Variants in PUM3 observed in about 807,000 individuals in gnomAD.
PUM3 encodes the protein pumilio RNA binding family member 3, also known as pumilio homolog 3.
A neutral mutation model predicts 84.0 loss-of-function variants in PUM3; 91 were observed. The observed-to-expected ratio is 1.08, with a 90% CI of 0.91 to 1.29. The LOEUF is 1.29. Ranked by LOEUF, PUM3 falls within the 50% of genes most tolerant of loss-of-function variation. The probability of loss-of-function intolerance (pLI) is 0.00; values close to 1 mark genes in which losing one functional copy is unlikely to be tolerated. For missense variants in PUM3, 1,067 were observed against 767.5 expected, an observed-to-expected ratio of 1.39 and a Z score of -4.61; for synonymous variants, 321 against 266.7, an observed-to-expected ratio of 1.20 and a Z score of -1.98.
intron 1 of PUM3, among the ~76,000 whole-genome samples, chr9:2,843,474 A>G (rs892883823): frequency 4.0e-5 from 6 of 151,780 alleles, no homozygotes; most frequent in African/African-American, 1.5e-4. Flanking sequence ...AGACAGGCTG[A>G]TCAGGCCGAG....
At chr9:2,834,669 GA>G (rs948835737) in intron 3 of PUM3, among the ~76,000 whole-genome samples, 2 of 152,166 alleles carry the variant, frequency 1.3e-5, no homozygotes, top group Admixed American at 1.3e-4. Context: ...CCATGGTGGG[GA>G]AAAAGAACAA....
intron 13 of PUM3, among the ~76,000 whole-genome samples, chr9:2,818,869 A>T (rs1220391136): frequency 6.6e-6 from 1 of 152,190 alleles, no homozygotes; most frequent in Non-Finnish European, 1.5e-5. Flanking sequence ...ACTAGCTGGT[A>T]TACTTTTTCT....
Position 2,833,430 on chromosome 9 carries a change from T to A in PUM3, c.443A>T (p.Lys148Ile). Residue 148 changes from lysine (K) to isoleucine (I), a missense_variant and splice_region_variant, in exon 5 of 18, where the codon AAA becomes ATA. Lys to Ile is a moderately radical substitution (Grantham distance 102). Coordinates refer to ENST00000397885, the MANE Select transcript of PUM3 (RefSeq NM_014878.5). ...AKQMWEILRR[K>I]DCDKEKRVKL... ...TACTCTTTTTTCTTTGTCACAGTCT[T>A]TTCTACAAATGAGGAGAGGAAGGAA... The A allele has an allele frequency of 6.5e-7, 1 of 1,547,810 alleles. No homozygotes were observed. Among genetic ancestry groups the A allele is most frequent in the South Asian group, 1.1e-5 (1 of 87,874 alleles).
At chr9:2,810,262 T>C (rs1318496704) in intron 16 of PUM3, 82 bp downstream of exon 16, 1 of 875,380 alleles carries the variant, frequency 1.1e-6, no homozygotes, top group Non-Finnish European at 1.9e-6. Context: ...TGAGCTTAAA[T>C]GGCTGGTATA....
At chr9:2,838,663 T>A (rs1462437140) in intron 1 of PUM3, 146 bp from the exon 2 acceptor site, 1 of 575,656 alleles carries the variant, frequency 1.7e-6, no homozygotes, top group Non-Finnish European at 3.1e-6. Flanking sequence ...AGTACTTAAA[T>A]CCAGCAATTT....
chr9:2,804,279 A>T lies in PUM3; in HGVS notation c.*52T>A, dbSNP rs1821216075. 1.1e-5 allele frequency: 18 copies of T among 1,579,876 alleles called. No homozygotes were observed. The highest frequency in any genetic ancestry group is 1.5e-5 in the Non-Finnish European group (17 of 1,161,912). On this transcript the variant is annotated 3_prime_UTR_variant, in exon 18 of 18. Transcript: ENST00000397885. The stretch of plus-strand genomic sequence containing the variant: ...TACCCCTTCTTTTCTGCATTGGGAA[A>T]CAGAACAGAGAACAGAAAAAATCAT...
rs749127582 is a variant in PUM3, at chr9:2,812,306, T to C, written c.1326A>G (p.Leu442=). ...IVNDKYGRKV[L]LYLLSPRDPA... ...GATCTCTGGGGCTTAGTAAGTACAA[T>C]AGGACCTTCCTTCCATATTTGTCAT... The change falls in exon 14 of 18, where the codon CTA becomes CTG. Residue 442 remains leucine (L), a synonymous_variant. Coordinates refer to ENST00000397885, the MANE Select transcript of PUM3 (RefSeq NM_014878.5). The C allele has an allele frequency of 1.4e-5, 23 of 1,602,140 alleles. No homozygotes were observed. The highest frequency in any genetic ancestry group is 3.3e-4 in the Middle Eastern group (2 of 6,064).
At chr9:2,829,683 A>G (rs1815918744) in intron 8 of PUM3, 91 bp downstream of exon 8, 1 of 1,087,262 alleles carries the variant, frequency 9.2e-7, no homozygotes, top group African/African-American at 1.6e-5. Context: ...CCACAGTAAA[A>G]ATACATTCAA....
chr9:2,827,223 C>CA (rs1245975963), intron 9 of PUM3, 72 bp from the exon 10 acceptor site: 1 of 1,058,580 alleles, frequency 9.4e-7, no homozygotes. Flanking sequence ...CAGGTAATCT[C>CA]AAAGTCCTAA....
intron 17 of PUM3, 92 bp downstream of exon 17, chr9:2,807,722 G>C (rs1821287924): frequency 1.3e-6 from 1 of 784,764 alleles, no homozygotes; most frequent in Middle Eastern, 3.6e-4. Flanking sequence ...AGACTACTGA[G>C]AACAAATATT....
intron 14 of PUM3, 25 bp from the exon 15 acceptor site, chr9:2,811,608 T>C: frequency 6.4e-7 from 1 of 1,570,982 alleles, no homozygotes. Context: ...GAACGGGGTA[T>C]TAAGGTAAGA....
Position 2,824,517 on chromosome 9 carries a change from A to C in PUM3, c.1134+200T>G, listed in dbSNP as rs1314679744. Among the ~76,000 whole-genome samples the C allele has an allele frequency of 2.0e-5, 3 of 152,238 alleles. No individual in the cohort carries two copies. The East Asian group carries it at 5.8e-4, about 29-fold the overall frequency. ...TAATGAAACTTCAAGGTTTCTACTAAAGCAGAGGAAAGAAGAAACACTAGG... is the reference window on the plus strand; with the variant it reads ...TAATGAAACTTCAAGGTTTCTACTACAGCAGAGGAAAGAAGAAACACTAGG... On this transcript the variant is annotated intron_variant, in intron 11 of 17. Transcript: ENST00000397885.
chr9:2,840,675 T>C (rs1397539976), intron 1 of PUM3, among the ~76,000 whole-genome samples: 1 of 152,248 alleles, frequency 6.6e-6, no homozygotes, highest in African/African-American at 2.4e-5. Flanking sequence ...CAAATAATGC[T>C]AGCTCCAGCC....
intron 4 of PUM3, 75 bp from the exon 5 acceptor site, chr9:2,833,507 CCAGTAT>C: frequency 1.3e-6 from 1 of 764,898 alleles, no homozygotes; most frequent in Middle Eastern, 3.6e-4. Flanking sequence ...AAAAACTGTA[CCAGTAT>C]ATGTTCTCCA....
In PUM3 at chr9:2,834,081, G is replaced by A; in HGVS notation, c.390C>T (p.Thr130=). 6.2e-7 allele frequency: 1 copy of A among 1,613,264 alleles called. No individual in the cohort carries two copies. The highest frequency in any genetic ancestry group is 8.5e-7 in the Non-Finnish European group (1 of 1,179,516). ...LKQSRQLSDK[T]NYDIVVRAKQ... ...TTGCCCGAACAACAATGTCATAGTT[G>A]GTTTTATCACTGAGTTGTCTGCTTT... The change falls in exon 4 of 18, where the codon ACC becomes ACT. Residue 130 remains threonine (T), a synonymous_variant. Coordinates refer to ENST00000397885, the MANE Select transcript of PUM3 (RefSeq NM_014878.5).
At position 2,823,850 on chromosome 9, in the gene PUM3, T is replaced by C. The variant is rs375437208; in HGVS notation, c.1135-16A>G. 106 of 1,461,948 alleles carry C rather than the reference T, an allele frequency of 7.3e-5. 2 individuals are homozygous for C. The South Asian group carries it at 1.2e-3, about 16-fold the overall frequency. 90.6% of individuals were successfully genotyped at this position (1,461,948 alleles called of 1,614,324 possible). A position where few individuals can be genotyped will look rare whatever the true frequency, so the allele number is the denominator to read the frequency against. On this transcript the variant is annotated splice_polypyrimidine_tract_variant and intron_variant, in intron 11 of 17. Transcript: ENST00000397885. ...CTTTCCTGTCCTTAAAAAGGAAAGA[T>C]TGTCTCACTGAATTTTCAGTTATGT...
chr9:2,841,738 A>C (rs1041170499), intron 1 of PUM3, among the ~76,000 whole-genome samples: 17 of 150,590 alleles, frequency 1.1e-4, no homozygotes, highest in African/African-American at 4.2e-4. Context: ...AAAGGTTCTT[A>C]GATCAGCCCT....
In PUM3 at chr9:2,830,961, C is replaced by T. The variant is rs775662366; in HGVS notation, c.677+1G>A. ...TGTATTTTATACATAAAACAACTTA[C>T]CCATACATGAGAAATTTCTTAACAA... On this transcript the variant is annotated splice_donor_variant, in intron 7 of 17. Transcript: ENST00000397885. LOFTEE classifies it high-confidence loss of function. The T allele has an allele frequency of 6.5e-6, 9 of 1,380,734 alleles. No individual in the cohort carries two copies. In the South Asian group the frequency reaches 7.2e-5, roughly 11 times the overall value. The allele number at this position is 1,380,734 out of a possible 1,614,324, so 85.5% of individuals were successfully genotyped here.
chr9:2,834,124 T>C lies in PUM3; in HGVS notation c.347A>G (p.Lys116Arg), dbSNP rs1178532332. The change falls in exon 4 of 18, where the codon AAG becomes AGG. Residue 116 changes from lysine (K) to arginine (R), a missense_variant. Lys to Arg is a conservative substitution (Grantham distance 26). Transcript: ENST00000397885. ...KKPKWDDFKK[K>R]KKELKQSRQL... is the part of the protein sequence containing the mutation. Reference sequence around the variant, plus strand: ...TCTGCTTTGCTTCAGTTCTTTCTTCTTCTTTTTGAAGTCATCCCATTTGGG... The same window carrying C: ...TCTGCTTTGCTTCAGTTCTTTCTTCCTCTTTTTGAAGTCATCCCATTTGGG... The C allele has an allele frequency of 6.2e-7, 1 of 1,613,678 alleles. No individual in the cohort carries two copies. Among genetic ancestry groups the C allele is most frequent in the Admixed American group, 1.7e-5 (1 of 59,954 alleles).
Sources: gnomAD v4.1 joint callset for allele counts (sites outside exome capture counted in the v4.1 genomes callset) on GRCh38, gnomAD v4.1.1 for gene constraint, MANE v1.5 for transcripts, NCBI Gene and HGNC (gene_info 2026-07-23, HGNC 2026-07-21) for gene names.